Variants in HDAC9 observed in about 807,000 individuals in gnomAD.
HDAC9 encodes the protein MEF-2 interacting transcription repressor (MITR) protein.
Under a neutral mutation model 139.4 loss-of-function variants are expected in HDAC9, and 41 were observed. That is an observed-to-expected ratio of 0.29 (90% CI 0.23 to 0.38). The LOEUF is 0.38. Ranked by LOEUF, HDAC9 falls within the 10% of genes least tolerant of loss-of-function variation. The pLI is 1.00. For missense variants in HDAC9, 1,147 were observed against 1,297.0 expected, an observed-to-expected ratio of 0.88 and a Z score of 1.78; for synonymous variants, 517 against 476.2, an observed-to-expected ratio of 1.09 and a Z score of -1.12.
intron 1 of HDAC9, among the ~76,000 whole-genome samples, chr7:18,299,024 G>C (rs1394737325): frequency 6.6e-6 from 1 of 152,070 alleles, no homozygotes; most frequent in Non-Finnish European, 1.5e-5. Flanking sequence ...CTATTCTTGA[G>C]TTTCCAAATG....
At chr7:18,968,958 C>CAAAAAAAAAAAAAAAAAAA (rs34379636) in intron 24 of HDAC9, among the ~76,000 whole-genome samples, 2 of 45,182 alleles carry the variant, frequency 4.4e-5, no homozygotes, top group African/African-American at 9.4e-5. Flanking sequence ...GCCTCCCTCT[C>CAAAAAAAAAAAAAAAAAAA]AAAAAAAAAA....
At chr7:18,949,896 A>T (rs1782673813) in intron 23 of HDAC9, 1 of 151,952 alleles carries the variant, frequency 6.6e-6, no homozygotes, top group Non-Finnish European at 1.5e-5. Flanking sequence ...TACGTATTTT[A>T]TATATATAGT....
At chr7:18,729,951 AT>A (rs1785898239) in intron 13 of HDAC9, among the ~76,000 whole-genome samples, 1 of 152,050 alleles carries the variant, frequency 6.6e-6, no homozygotes, top group African/African-American at 2.4e-5. Context: ...GAAAGTAAAA[AT>A]TACATTGTAA....
chr7:18,644,204 A>G (rs940509103), intron 8 of HDAC9, among the ~76,000 whole-genome samples: 6 of 152,156 alleles, frequency 3.9e-5, no homozygotes, highest in African/African-American at 1.4e-4. Flanking sequence ...TGGAAGCCCT[A>G]TATGGTGATA....
chr7:18,664,572 C>G (rs1794236350), intron 11 of HDAC9, among the ~76,000 whole-genome samples: 2 of 152,100 alleles, frequency 1.3e-5, no homozygotes, highest in African/African-American at 4.8e-5. Flanking sequence ...CTTTTCCAAT[C>G]CAAAGTCCCC....
intron 21 of HDAC9, among the ~76,000 whole-genome samples, chr7:18,861,122 ACTT>A (rs1798070361): frequency 6.6e-6 from 1 of 152,210 alleles, no homozygotes; most frequent in African/African-American, 2.4e-5. Context: ...ACTGTTGCAA[ACTT>A]AAAGACACAT....
intron 1 of HDAC9, among the ~76,000 whole-genome samples, chr7:18,481,942 AT>A (rs1795583835): frequency 6.6e-6 from 1 of 152,106 alleles, no homozygotes; most frequent in Non-Finnish European, 1.5e-5. Context: ...CAGAAAAATC[AT>A]TATTAGCTGT....
intron 1 of HDAC9, among the ~76,000 whole-genome samples, chr7:18,391,976 T>C (rs1239831160): frequency 6.6e-6 from 1 of 152,196 alleles, no homozygotes; most frequent in South Asian, 2.1e-4. Flanking sequence ...TCCCACACTT[T>C]ACTTTTACTT....
chr7:18,791,552 T>C (rs1054453900), intron 16 of HDAC9, among the ~76,000 whole-genome samples: 9 of 152,130 alleles, frequency 5.9e-5, no homozygotes, highest in African/African-American at 2.2e-4. Context: ...AATGATTAGG[T>C]CTCAGTGTCC....
intron 1 of HDAC9, among the ~76,000 whole-genome samples, chr7:18,097,306 T>G (rs1782569943): frequency 6.6e-6 from 1 of 152,224 alleles, no homozygotes; most frequent in Non-Finnish European, 1.5e-5. Flanking sequence ...AATAGGGCAA[T>G]ATAGTCCACC....
chr7:18,220,173 T>C (rs1392965827), intron 2 of HDAC9, among the ~76,000 whole-genome samples: 1 of 152,134 alleles, frequency 6.6e-6, no homozygotes. Flanking sequence ...ATTCAGTGAT[T>C]TGTAGGTGAA....
chr7:18,991,103 G>T (rs1482207327), intron 25 of HDAC9, among the ~76,000 whole-genome samples: 1 of 152,086 alleles, frequency 6.6e-6, no homozygotes, highest in Non-Finnish European at 1.5e-5. Context: ...TTCTTATTTT[G>T]TTCTTGATTT....
At chr7:18,236,070 G>A (rs564650156) in intron 2 of HDAC9, among the ~76,000 whole-genome samples, 4 of 152,256 alleles carry the variant, frequency 2.6e-5, no homozygotes, top group African/African-American at 7.2e-5. Context: ...GTTGTCAAAC[G>A]CAGAGATGAT....
At chr7:18,942,749 G>A (rs1782107275) in intron 23 of HDAC9, among the ~76,000 whole-genome samples, 1 of 151,924 alleles carries the variant, frequency 6.6e-6, no homozygotes, top group Admixed American at 6.6e-5. Flanking sequence ...CATCACGTTA[G>A]TAGCTTGAAA....
At chr7:18,518,965 T>C (rs1055647933) in intron 2 of HDAC9, among the ~76,000 whole-genome samples, 5 of 152,174 alleles carry the variant, frequency 3.3e-5, no homozygotes, top group Admixed American at 3.3e-4. Context: ...GAAGCTATAG[T>C]GTGGTAGAAA....
chr7:18,173,978 A>G (rs1339825839), intron 2 of HDAC9, among the ~76,000 whole-genome samples: 1 of 152,090 alleles, frequency 6.6e-6, no homozygotes, highest in East Asian at 1.9e-4. Context: ...TATTTCCTGA[A>G]TTTGAATGTT....
At chr7:18,701,385 T>C (rs1220088722) in intron 12 of HDAC9, among the ~76,000 whole-genome samples, 1 of 146,196 alleles carries the variant, frequency 6.8e-6, no homozygotes, top group African/African-American at 2.6e-5. Context: ...GATTCTGTTG[T>C]GGCGTCTGAT....
At chr7:18,178,765 A>G (rs1486200227) in intron 2 of HDAC9, among the ~76,000 whole-genome samples, 1 of 152,230 alleles carries the variant, frequency 6.6e-6, no homozygotes, top group Non-Finnish European at 1.5e-5. Flanking sequence ...ATACTGTATA[A>G]TTAGCAGTAA....
At chr7:18,227,819 G>C (rs1397890773) in intron 2 of HDAC9, among the ~76,000 whole-genome samples, 1 of 152,008 alleles carries the variant, frequency 6.6e-6, no homozygotes, top group Admixed American at 6.6e-5. Flanking sequence ...GAGAACTTTT[G>C]TTTGCATTCT....
Sources: gnomAD v4.1 joint callset for allele counts (sites outside exome capture counted in the v4.1 genomes callset) on GRCh38, gnomAD v4.1.1 for gene constraint, MANE v1.5 for transcripts, NCBI Gene and HGNC (gene_info 2026-07-23, HGNC 2026-07-21) for gene names.